Variants in GALM observed in about 807,000 individuals in gnomAD.
GALM encodes the protein galactose mutarotase, also known as aldose 1-epimerase.
Under a neutral mutation model 37.4 loss-of-function variants are expected in GALM, and 43 were observed. The ratio of observed to expected loss-of-function variants is 1.15; its 90% CI spans 0.90 to 1.48. GALM has a LOEUF of 1.48. Ranked by LOEUF, GALM falls within the 40% of genes most tolerant of loss-of-function variation. The pLI, the probability that GALM is intolerant of heterozygous loss-of-function variation, is 0.00. For missense variants in GALM, 456 were observed against 419.1 expected (o/e 1.09, Z -0.77); for synonymous variants, 199 against 170.6 (o/e 1.17, Z -1.30).
At chr2:38,718,213 T>C (rs1203238792) in intron 4 of GALM, among the ~76,000 whole-genome samples, 15 of 145,960 alleles carry the variant, frequency 1.0e-4, no homozygotes, top group African/African-American at 3.4e-4. Context: ...TTTTTTTTTC[T>C]TTTTGAGATG....
At chr2:38,722,241 C>T (rs1666397409) in intron 4 of GALM, among the ~76,000 whole-genome samples, 1 of 152,060 alleles carries the variant, frequency 6.6e-6, no homozygotes, top group South Asian at 2.1e-4. Context: ...ACACTCAACT[C>T]TCTTGCCCCC....
At chr2:38,703,157 G>A (rs1354794845) in intron 4 of GALM, among the ~76,000 whole-genome samples, 1 of 114,034 alleles carries the variant, frequency 8.8e-6, no homozygotes, top group African/African-American at 3.5e-5. Flanking sequence ...GCCCAGGCTG[G>A]ATTGCAATGG....
At position 38,733,477 on chromosome 2, in the gene GALM, C is replaced by T; in HGVS notation, c.952-11C>T. 1 of 1,608,128 alleles carries T rather than the reference C, an allele frequency of 6.2e-7. No individual in the cohort carries two copies. Among genetic ancestry groups the T allele is most frequent in the Middle Eastern group, 1.7e-4 (1 of 6,042 alleles). On this transcript the variant is annotated splice_polypyrimidine_tract_variant and intron_variant, in intron 6 of 6. Coordinates refer to ENST00000272252, the MANE Select transcript of GALM (RefSeq NM_138801.3). ...GTGTCAAGCATCACCTGTGTTGTTTCCCCTTCACAGCCCCGCTTCCCTCCT... is the reference window on the plus strand; with the variant it reads ...GTGTCAAGCATCACCTGTGTTGTTTTCCCTTCACAGCCCCGCTTCCCTCCT...
chr2:38,717,706 T>C (rs777088866), intron 4 of GALM, among the ~76,000 whole-genome samples: 1 of 149,798 alleles, frequency 6.7e-6, no homozygotes, highest in Non-Finnish European at 1.5e-5. Flanking sequence ...TGGCCTTAGC[T>C]CCATTTTATA....
At chr2:38,715,760 T>C (rs928953141) in intron 4 of GALM, among the ~76,000 whole-genome samples, 1 of 152,158 alleles carries the variant, frequency 6.6e-6, no homozygotes, top group Non-Finnish European at 1.5e-5. Context: ...AACTCCAGAG[T>C]TACGCTGTTA....
At chr2:38,674,799 T>C (rs1407253174) in intron 1 of GALM, among the ~76,000 whole-genome samples, 5 of 152,190 alleles carry the variant, frequency 3.3e-5, no homozygotes, top group Non-Finnish European at 5.9e-5. Flanking sequence ...CCTTCAACCA[T>C]AGTTTTGCTT....
At position 38,681,338 on chromosome 2, in the gene GALM, A is replaced by C; in HGVS notation, c.404A>C (p.Asp135Ala). The C allele has an allele frequency of 6.2e-7, 1 of 1,614,020 alleles. No homozygotes were observed. Among genetic ancestry groups the C allele is most frequent in the Non-Finnish European group, 8.5e-7 (1 of 1,180,012 alleles). Reference sequence around the variant, plus strand: ...GTCCAGTTCTCGCGCATCAGTCCAGATGGTGAAGAAGGCTACCCCGGAGAG... The same window carrying C: ...GTCCAGTTCTCGCGCATCAGTCCAGCTGGTGAAGAAGGCTACCCCGGAGAG... ...NGVQFSRISP[D>A]GEEGYPGELK... is the part of the protein sequence containing the mutation. The change falls in exon 3 of 7, where the codon GAT (aspartate) becomes GCT (alanine). Residue 135 changes from aspartate (D) to alanine (A), a missense_variant. By Grantham distance (126) the Asp-to-Ala change is moderately radical. Transcript: ENST00000272252.
chr2:38,731,342 A>G (rs1432657479), intron 5 of GALM, among the ~76,000 whole-genome samples: 3 of 148,558 alleles, frequency 2.0e-5, no homozygotes, highest in African/African-American at 7.5e-5. Context: ...GGTTGCAGTG[A>G]GCCGAGGTCG....
chr2:38,697,051 A>G (rs1243517653), intron 4 of GALM, among the ~76,000 whole-genome samples: 1 of 152,042 alleles, frequency 6.6e-6, no homozygotes, highest in African/African-American at 2.4e-5. Context: ...TGGCCTCCCA[A>G]AGTGCTGGGA....
chr2:38,708,106 C>CA (rs371886710), intron 4 of GALM, among the ~76,000 whole-genome samples: 47,280 of 130,998 alleles, frequency 0.36, 8,597 homozygotes, highest in East Asian at 0.51. Context: ...GAAACTGTAT[C>CA]AAAATTAAAA....
chr2:38,700,631 G>A (rs561004355), intron 4 of GALM, among the ~76,000 whole-genome samples: 1 of 152,114 alleles, frequency 6.6e-6, no homozygotes, highest in South Asian at 2.1e-4. Context: ...GATGAAGTGA[G>A]TTTCTTGTAG....
rs7591451 is a variant in GALM at position 38,676,949 on chromosome 2, C to T, written c.345+883C>T. 5.7e-3 allele frequency among the ~76,000 whole-genome samples: 863 copies of T among 152,284 alleles called. 7 individuals carry two copies. Among genetic ancestry groups the T allele is most frequent in the African/African-American group, 0.02 (813 of 41,546 alleles). On this transcript the variant is annotated intron_variant, in intron 2 of 6. Transcript: ENST00000272252. ...AAGCCCCCCGCCCCATGCAGCATGG[C>T]GCTGCACCAAGGCCTGCCCTTCCAC...
chr2:38,712,518 C>T (rs780118655), intron 4 of GALM, among the ~76,000 whole-genome samples: 21 of 152,170 alleles, frequency 1.4e-4, no homozygotes, highest in Non-Finnish European at 2.9e-4. Context: ...GAAATCAGTC[C>T]TCTGGGCAGG....
chr2:38,725,033 C>G (rs1666457899), intron 4 of GALM, among the ~76,000 whole-genome samples: 1 of 152,154 alleles, frequency 6.6e-6, no homozygotes, highest in Non-Finnish European at 1.5e-5. Flanking sequence ...TAATTATAAG[C>G]AATTTTGATT....
chr2:38,721,062 C>T (rs1666367735), intron 4 of GALM, among the ~76,000 whole-genome samples: 1 of 152,212 alleles, frequency 6.6e-6, no homozygotes, highest in East Asian at 1.9e-4. Context: ...ATCTAGACTA[C>T]TGTGGCCATC....
At chr2:38,689,768 A>G in intron 3 of GALM, 45 bp from the exon 4 acceptor site, 1 of 1,134,986 alleles carries the variant, frequency 8.8e-7, no homozygotes, top group Non-Finnish European at 1.3e-6. Context: ...CAAATATATG[A>G]AATAAGACTA....
chr2:38,705,909 C>A (rs1024481775), intron 4 of GALM, among the ~76,000 whole-genome samples: 4 of 152,106 alleles, frequency 2.6e-5, no homozygotes, highest in African/African-American at 4.8e-5. Context: ...GCAACCTCCC[C>A]CTCCGGGTTC....
intron 4 of GALM, among the ~76,000 whole-genome samples, chr2:38,711,791 TCACCATCAC>T (rs1666170859): frequency 7.7e-6 from 1 of 129,154 alleles, no homozygotes. Context: ...GTCACCACCA[TCACCATCAC>T]CATCACCATC....
intron 4 of GALM, among the ~76,000 whole-genome samples, chr2:38,698,115 T>C (rs1242461539): frequency 6.6e-6 from 1 of 152,170 alleles, no homozygotes; most frequent in Non-Finnish European, 1.5e-5. Flanking sequence ...AGCTAATTTT[T>C]GTATTTTTAG....
Sources: gnomAD v4.1 joint callset for allele counts (sites outside exome capture counted in the v4.1 genomes callset) on GRCh38, gnomAD v4.1.1 for gene constraint, MANE v1.5 for transcripts, NCBI Gene and HGNC (gene_info 2026-07-23, HGNC 2026-07-21) for gene names.